The following RFX3 variants were observed in gnomAD, a reference collection of about 807,000 sequenced individuals.
The protein encoded by RFX3 is transcription factor RFX3.
Under a neutral mutation model 98.6 loss-of-function variants are expected in RFX3, and 14 were observed. The observed-to-expected ratio is 0.14, with a 90% CI of 0.09 to 0.22. The LOEUF is 0.22. Among genes scored for constraint, RFX3 ranks in the 10% least tolerant of loss-of-function variants. The pLI, the probability that RFX3 is intolerant of heterozygous loss-of-function variation, is 1.00. For missense variants in RFX3, 639 were observed against 926.9 expected (o/e 0.69, Z 4.03); for synonymous variants, 383 against 328.4 (o/e 1.17, Z -1.80).
intron 2 of RFX3, among the ~76,000 whole-genome samples, chr9:3,374,103 C>T (rs866799596): frequency 3.3e-5 from 5 of 151,938 alleles, no homozygotes; most frequent in Middle Eastern, 3.4e-3. Flanking sequence ...CACACACACA[C>T]ACACACACAC....
intron 1 of RFX3, among the ~76,000 whole-genome samples, chr9:3,438,502 A>C (rs1054676748): frequency 6.6e-6 from 1 of 152,072 alleles, no homozygotes; most frequent in Non-Finnish European, 1.5e-5. Flanking sequence ...GAAAGAACAA[A>C]TGGCAAGATG....
chr9:3,466,063 C>T lies in RFX3; in HGVS notation c.-9+59684G>A, dbSNP rs540401261. On this transcript the variant is annotated intron_variant, in intron 1 of 16. Coordinates refer to ENST00000617270, the MANE Select transcript of RFX3 (RefSeq NM_001282116.2). ...TATTCAAACAGCATTCATTAAGTAC[C>T]TATTTATGCCATGCATAGTACAGAA... 3.3e-5 allele frequency among the ~76,000 whole-genome samples: 5 copies of T among 152,212 alleles called. No homozygotes were observed. The East Asian group carries it at 5.8e-4, about 18-fold the overall frequency.
At position 3,330,382 on chromosome 9, in the gene RFX3, C is replaced by T. The variant is rs199877303; in HGVS notation, c.351G>A (p.Gly117=). The T allele has an allele frequency of 1.9e-6, 3 of 1,614,130 alleles. No individual in the cohort carries two copies. The highest frequency in any genetic ancestry group is 2.7e-5 in the African/African-American group (2 of 75,034). ...GTCCTCCTGTGACGCCCATCTGAAT[C>T]CCACCAGTGCCCACCATACTGTGGG... The part of the protein sequence containing the change: ...VSSHSMVGTG[G]IQMGVTGGQL... The change falls in exon 4 of 17, where the codon GGG becomes GGA. Residue 117 remains glycine (G), a synonymous_variant. Transcript: ENST00000617270.
At chr9:3,226,504 G>C (rs746682072) in intron 16 of RFX3, among the ~76,000 whole-genome samples, 4 of 152,184 alleles carry the variant, frequency 2.6e-5, no homozygotes, top group African/African-American at 4.8e-5. Flanking sequence ...TAAACAGCTG[G>C]AGATTAACAT....
chr9:3,434,641 G>A (rs1189202401), intron 1 of RFX3, among the ~76,000 whole-genome samples: 7 of 151,804 alleles, frequency 4.6e-5, no homozygotes, highest in African/African-American at 1.2e-4. Context: ...AAAGATAAAC[G>A]TCACCTCTTT....
chr9:3,228,520 C>T (rs1487695933), intron 16 of RFX3, among the ~76,000 whole-genome samples: 1 of 152,194 alleles, frequency 6.6e-6, no homozygotes, highest in Non-Finnish European at 1.5e-5. Flanking sequence ...AAAAATGTCT[C>T]ATCCAATTTT....
At chr9:3,478,699 G>A (rs1255410265) in intron 1 of RFX3, among the ~76,000 whole-genome samples, 1 of 152,128 alleles carries the variant, frequency 6.6e-6, no homozygotes, top group Non-Finnish European at 1.5e-5. Flanking sequence ...CCGGGCATGT[G>A]TACAGACTTG....
intron 13 of RFX3, among the ~76,000 whole-genome samples, 199 bp downstream of exon 13, chr9:3,262,736 T>C (rs1043977496): frequency 2.0e-5 from 3 of 152,222 alleles, no homozygotes; most frequent in Non-Finnish European, 4.4e-5. Flanking sequence ...TTTAGGACTG[T>C]AAATGTGAGC....
chr9:3,361,453 G>C (rs976763989), intron 2 of RFX3, among the ~76,000 whole-genome samples: 1 of 152,070 alleles, frequency 6.6e-6, no homozygotes, highest in Admixed American at 6.6e-5. Context: ...TTCTCTGTAA[G>C]CAAGGGTTAT....
At chr9:3,391,075 C>T (rs1840264507) in intron 2 of RFX3, among the ~76,000 whole-genome samples, 1 of 152,160 alleles carries the variant, frequency 6.6e-6, no homozygotes, top group South Asian at 2.1e-4. Flanking sequence ...ACAGAAGTAA[C>T]TACCTTTGAC....
At chr9:3,402,561 C>A (rs530477957) in intron 1 of RFX3, among the ~76,000 whole-genome samples, 46 of 151,808 alleles carry the variant, frequency 3.0e-4, no homozygotes, top group African/African-American at 1.1e-3. Flanking sequence ...CACAGAAATG[C>A]CATTTACAGA....
At chr9:3,309,687 A>G (rs1432273250) in intron 4 of RFX3, among the ~76,000 whole-genome samples, 1 of 152,202 alleles carries the variant, frequency 6.6e-6, no homozygotes, top group Non-Finnish European at 1.5e-5. Flanking sequence ...AAGGCAATAC[A>G]TATTGTGAAA....
At chr9:3,378,225 C>T (rs538002983) in intron 2 of RFX3, among the ~76,000 whole-genome samples, 13 of 152,200 alleles carry the variant, frequency 8.5e-5, no homozygotes, top group Non-Finnish European at 1.6e-4. Context: ...ACATGACTGT[C>T]GAAGAATTGG....
intron 7 of RFX3, among the ~76,000 whole-genome samples, chr9:3,287,164 C>T (rs542233730): frequency 1.3e-5 from 2 of 151,936 alleles, no homozygotes; most frequent in South Asian, 4.1e-4. Flanking sequence ...TATAAAATTA[C>T]TGTGTGATAT....
chr9:3,504,956 A>AATATATAATATATC (rs1564186013), intron 1 of RFX3, among the ~76,000 whole-genome samples: 5 of 61,732 alleles, frequency 8.1e-5, no homozygotes, highest in East Asian at 2.0e-3. Flanking sequence ...TATAATATAT[A>AATATATAATATATC]TTATATATAA....
intron 1 of RFX3, among the ~76,000 whole-genome samples, chr9:3,511,353 A>AT (rs530419681): frequency 7.3e-4 from 110 of 151,198 alleles, no homozygotes; most frequent in Non-Finnish European, 1.3e-3. Flanking sequence ...ATGAATAACG[A>AT]TTTTTTTTTG....
At chr9:3,521,267 T>C (rs995471850) in intron 1 of RFX3, among the ~76,000 whole-genome samples, 1 of 152,216 alleles carries the variant, frequency 6.6e-6, no homozygotes, top group Non-Finnish European at 1.5e-5. Flanking sequence ...CCTATAGGAC[T>C]AATGCCAGAC....
chr9:3,452,603 AC>A (rs1846758784), intron 1 of RFX3, among the ~76,000 whole-genome samples: 1 of 152,106 alleles, frequency 6.6e-6, no homozygotes, highest in Non-Finnish European at 1.5e-5. Flanking sequence ...TCATGTTAAC[AC>A]CATATTTGGA....
At chr9:3,258,178 A>T (rs1822384277) in intron 13 of RFX3, among the ~76,000 whole-genome samples, 1 of 152,164 alleles carries the variant, frequency 6.6e-6, no homozygotes, top group Admixed American at 6.5e-5. Context: ...AATTAAAGAA[A>T]TGAAATTTAA....
Sources: allele counts gnomAD v4.1 joint callset (sites outside exome capture counted in the v4.1 genomes callset), GRCh38; gene constraint gnomAD v4.1.1; transcripts MANE v1.5; gene names NCBI Gene and HGNC (gene_info 2026-07-23, HGNC 2026-07-21).